SNED1: variants seen among roughly 807,000 people sequenced by gnomAD.
SNED1 encodes the protein sushi, nidogen and EGF-like domain-containing protein 1.
SNED1 carries 81 observed loss-of-function variants against 166.7 expected under a neutral mutation model. The observed-to-expected ratio is 0.49, with a 90% CI of 0.41 to 0.58. The LOEUF (loss-of-function observed/expected upper bound fraction) is 0.58. Among genes scored for constraint, SNED1 ranks in the 20% least tolerant of loss-of-function variants. SNED1 has a pLI of 0.00. For missense variants in SNED1, 1,604 were observed against 2,000.2 expected (o/e 0.80, Z 3.78); for synonymous variants, 762 against 822.0 (o/e 0.93, Z 1.25).
chr2:241,020,055 T>C (rs890346488), intron 1 of SNED1, among the ~76,000 whole-genome samples: 2 of 152,170 alleles, frequency 1.3e-5, no homozygotes, highest in African/African-American at 4.8e-5. Flanking sequence ...TGTTTGTGTA[T>C]GACCTGTGAA....
In SNED1 at chr2:240,999,071, CG is replaced by C. The variant is rs1344546097; in HGVS notation, c.213+25del. 3.2e-6 allele frequency: 4 copies of C among 1,252,484 alleles called. No individual in the cohort carries two copies. The highest frequency in any genetic ancestry group is 2.0e-6 in the Non-Finnish European group (2 of 991,136). The allele number at this position is 1,252,484 out of a possible 1,614,324, so 77.6% of individuals were successfully genotyped here. A position where few individuals can be genotyped will look rare whatever the true frequency, so the allele number is the denominator to read the frequency against. ...TCTACGTGAGTAACCCCCGGGCTCG[CG>C]GGGCGCCCGGGAGGGGAGGGAGCTG... On this transcript the variant is annotated intron_variant, in intron 1 of 31. Coordinates refer to ENST00000310397, the MANE Select transcript of SNED1 (RefSeq NM_001080437.3). The surrounding 1 kb of genome is among the most constrained non-coding windows in gnomAD (Gnocchi z 5.8).
In SNED1 at chr2:241,034,732, T is replaced by G; in HGVS notation, c.805+2T>G. 1 of 1,554,546 alleles carries G rather than the reference T, an allele frequency of 6.4e-7. No homozygotes were observed. The highest frequency in any genetic ancestry group is 8.7e-7 in the Non-Finnish European group (1 of 1,148,776). ...GCGTGGGGGGCTGCGGCCATACAAG[T>G]AAGAGGACAGAGGAGCAGCTTGGGG... On this transcript the variant is annotated splice_donor_variant, in intron 4 of 31. Coordinates refer to ENST00000310397, the MANE Select transcript of SNED1 (RefSeq NM_001080437.3). LOFTEE classifies it high-confidence loss of function.
chr2:241,069,483 G>A lies in SNED1; in HGVS notation c.3308-437G>A, dbSNP rs2062606253. ...GGGAGGGACAGGTGAACTGGGCAGA[G>A]GGGAGGCTGCAGCTCCCTCTGTGAG... On this transcript the variant is annotated intron_variant, in intron 23 of 31. Coordinates refer to ENST00000310397, the MANE Select transcript of SNED1 (RefSeq NM_001080437.3). The surrounding 1 kb of genome is among the most constrained non-coding windows in gnomAD (Gnocchi z 4.9). Among the ~76,000 whole-genome samples the A allele has an allele frequency of 6.6e-6, 1 of 152,184 alleles. No homozygotes were observed. The highest frequency in any genetic ancestry group is 2.1e-4 in the South Asian group (1 of 4,834).
chr2:241,062,760 A>G, intron 16 of SNED1, 31 bp from the exon 17 acceptor site: 1 of 1,500,406 alleles, frequency 6.7e-7, no homozygotes, highest in Non-Finnish European at 9.2e-7. Context: ...TCGTGGCCAC[A>G]TTGCTTTATT....
chr2:241,001,199 C>T (rs1308613655), intron 1 of SNED1, among the ~76,000 whole-genome samples: 2 of 152,246 alleles, frequency 1.3e-5, no homozygotes, highest in Non-Finnish European at 2.9e-5. Flanking sequence ...CCTCTGCGCT[C>T]CTCCGCCCCC....
Position 241,013,224 on chromosome 2 carries a change from A to G in SNED1, c.213+14174A>G, listed in dbSNP as rs2060471231. Among the ~76,000 whole-genome samples the G allele has an allele frequency of 6.6e-6, 1 of 152,120 alleles. No homozygotes were observed. Among genetic ancestry groups the G allele is most frequent in the South Asian group, 2.1e-4 (1 of 4,822 alleles). On this transcript the variant is annotated intron_variant, in intron 1 of 31. Coordinates refer to ENST00000310397, the MANE Select transcript of SNED1 (RefSeq NM_001080437.3). The surrounding 1 kb of genome is among the most constrained non-coding windows in gnomAD (Gnocchi z 4.6). ...TCTGACTGAAGGTTTGCACCCTCCAATCAACATTTCCCCATTTCCCACCTC... is the reference window on the plus strand; with the variant it reads ...TCTGACTGAAGGTTTGCACCCTCCAGTCAACATTTCCCCATTTCCCACCTC...
In SNED1 at chr2:241,011,138, T is replaced by TG. The variant is rs1392691392; in HGVS notation, c.213+12090dup. On this transcript the variant is annotated intron_variant, in intron 1 of 31. Transcript: ENST00000310397. ...GGTCTCCTGGGGGTGGCAGGTCTCC[T>TG]GGTTCTCCTGGGTCTCCTGGGGGTG... 6.8e-4 allele frequency among the ~76,000 whole-genome samples: 61 copies of TG among 89,758 alleles called. 1 individual carries two copies. The highest frequency in any genetic ancestry group is 4.0e-3 in the African/African-American group (57 of 14,224). The allele number at this position is 89,758 out of a possible 152,430, so 58.9% of individuals were successfully genotyped here.
chr2:241,092,421 T>C lies in SNED1; in HGVS notation c.*785T>C, dbSNP rs961354732. On this transcript the variant is annotated 3_prime_UTR_variant, in exon 32 of 32. Transcript: ENST00000310397. The surrounding 1 kb of genome is among the most constrained non-coding windows in gnomAD (Gnocchi z 4.6). ...GCGGCTATGTTCCAATAAAAACTTATTTACAATAACAGGTGGTGGCCAAAT... is the reference window on the plus strand; with the variant it reads ...GCGGCTATGTTCCAATAAAAACTTACTTACAATAACAGGTGGTGGCCAAAT... 6.6e-6 allele frequency: 1 copy of C among 152,178 alleles called. No individual in the cohort carries two copies. The highest frequency in any genetic ancestry group is 1.5e-5 in the Non-Finnish European group (1 of 68,030). 9.4% of individuals were successfully genotyped at this position (152,178 alleles called of 1,614,324 possible).
At position 241,048,320 on chromosome 2, in the gene SNED1, C is replaced by T. The variant is rs1240140587; in HGVS notation, c.1279C>T (p.His427Tyr). 2 of 1,600,906 alleles carry T rather than the reference C, an allele frequency of 1.2e-6. No homozygotes were observed. Among genetic ancestry groups the T allele is most frequent in the South Asian group, 1.1e-5 (1 of 88,472 alleles). ...FKGLRCETGD[H>Y]PVPDACLSAP... ...GACTGCCGTCTTTCTTGCAGGAGAC[C>T]ATCCAGTGCCAGACGCCTGCCTCTC... Residue 427 changes from histidine (H) to tyrosine (Y), a missense_variant, in exon 9 of 32, where the codon CAT becomes TAT. Transcript: ENST00000310397.
intron 18 of SNED1, 35 bp downstream of exon 18, chr2:241,063,735 G>T (rs781454043): frequency 2.1e-5 from 30 of 1,415,060 alleles, no homozygotes; most frequent in Non-Finnish European, 2.7e-5. Context: ...CACATGCAGA[G>T]CCTGGGCCTC....
rs535845918 is a variant in SNED1 at position 241,071,751 on chromosome 2, C to T, written c.3734+31C>T. The T allele has an allele frequency of 1.7e-5, 27 of 1,543,752 alleles. 1 individual carries two copies. The highest frequency in any genetic ancestry group is 1.4e-4 in the African/African-American group (10 of 73,406). On this transcript the variant is annotated intron_variant, in intron 25 of 31. Coordinates refer to ENST00000310397, the MANE Select transcript of SNED1 (RefSeq NM_001080437.3). ...TGCCCCACCCATCGGCCCCATCGCC[C>T]GAGGCGGCGCTCGGACTGTGGTGAC... is the stretch of plus-strand genomic sequence containing the variant.
intron 31 of SNED1, chr2:241,090,258 A>G (rs1029656351): frequency 3.3e-6 from 5 of 1,516,740 alleles, no homozygotes; most frequent in East Asian, 5.0e-5. Flanking sequence ...ACACAAACAC[A>G]CACATTGGCT....
Position 241,076,968 on chromosome 2 carries a change from A to C in SNED1, c.3916+3604A>C, listed in dbSNP as rs563734379. Among the ~76,000 whole-genome samples, 99 of 151,764 alleles carry C rather than the reference A, an allele frequency of 6.5e-4. 1 individual carries two copies. Among genetic ancestry groups the C allele is most frequent in the Admixed American group, 1.9e-3 (29 of 15,214 alleles). ...GTGGCGGGCGCCTGTGGTCCCAGCTACTCCGGAGGCTGAGGCAGGAGAATG... is the reference window on the plus strand; with the variant it reads ...GTGGCGGGCGCCTGTGGTCCCAGCTCCTCCGGAGGCTGAGGCAGGAGAATG... On this transcript the variant is annotated intron_variant, in intron 27 of 31. Coordinates refer to ENST00000310397, the MANE Select transcript of SNED1 (RefSeq NM_001080437.3).
chr2:241,073,170 G>T lies in SNED1; in HGVS notation c.3818-96G>T, dbSNP rs1022325825. The T allele has an allele frequency of 4.6e-6, 4 of 864,214 alleles. No homozygotes were observed. The East Asian group carries it at 1.1e-4, about 23-fold the overall frequency. The allele number at this position is 864,214 out of a possible 1,614,324, so 53.5% of individuals were successfully genotyped here. A position where few individuals can be genotyped will look rare whatever the true frequency, so the allele number is the denominator to read the frequency against. ...CCTGGTCCCCACCAGGGACATCCGT[G>T]CTCCCTGAGATATAGAAGCACTCAA... is the stretch of plus-strand genomic sequence containing the variant. On this transcript the variant is annotated intron_variant, in intron 26 of 31. Coordinates refer to ENST00000310397, the MANE Select transcript of SNED1 (RefSeq NM_001080437.3). This position sits in a 1 kb window ranked among gnomAD's most constrained non-coding sequence, Gnocchi z 6.6.
chr2:241,034,560 AC>A lies in SNED1; in HGVS notation c.643-3del. On this transcript the variant is annotated splice_region_variant and splice_polypyrimidine_tract_variant and intron_variant, in intron 3 of 31. Coordinates refer to ENST00000310397, the MANE Select transcript of SNED1 (RefSeq NM_001080437.3). Reference sequence around the variant, plus strand: ...GCCTCCCTCACTCTGCCCCCACCCCACCCCCAGGCTGGCTTCAACGCAGGCG... The same window carrying A: ...GCCTCCCTCACTCTGCCCCCACCCCACCCCAGGCTGGCTTCAACGCAGGCG... 6.3e-7 allele frequency: 1 copy of A among 1,578,422 alleles called. No individual in the cohort carries two copies. Among genetic ancestry groups the A allele is most frequent in the Non-Finnish European group, 8.6e-7 (1 of 1,158,124 alleles).
Position 241,013,479 on chromosome 2 carries a change from G to A in SNED1, c.213+14429G>A, listed in dbSNP as rs899822644. On this transcript the variant is annotated intron_variant, in intron 1 of 31. Coordinates refer to ENST00000310397, the MANE Select transcript of SNED1 (RefSeq NM_001080437.3). This position sits in a 1 kb window ranked among gnomAD's most constrained non-coding sequence, Gnocchi z 4.6. ...CCCTAGTAGCTGGGATTATAGGCAC[G>A]CACCACCACCTCCAGCTATATTTTT... Among the ~76,000 whole-genome samples the A allele has an allele frequency of 3.3e-5, 5 of 151,884 alleles. No homozygotes were observed. Among genetic ancestry groups the A allele is most frequent in the Admixed American group, 2.0e-4 (3 of 15,252 alleles).
chr2:241,038,030 C>CTCAACCATGCCCT (rs2061425473), intron 6 of SNED1, among the ~76,000 whole-genome samples: 1 of 152,020 alleles, frequency 6.6e-6, no homozygotes, highest in Non-Finnish European at 1.5e-5. Context: ...CTTTAGGCCC[C>CTCAACCATGCCCT]TCACCCATGC....
Position 241,073,598 on chromosome 2 carries a change from C to T in SNED1, c.3916+234C>T. 1.7e-6 allele frequency: 1 copy of T among 586,498 alleles called. No individual in the cohort carries two copies. Among genetic ancestry groups the T allele is most frequent in the Non-Finnish European group, 3.1e-6 (1 of 326,846 alleles). 36.3% of individuals were successfully genotyped at this position (586,498 alleles called of 1,614,324 possible). On this transcript the variant is annotated intron_variant, in intron 27 of 31. Transcript: ENST00000310397. The surrounding 1 kb of genome is among the most constrained non-coding windows in gnomAD (Gnocchi z 6.6). ...CAGGGGGCAGGACCCACCCAAACCACCCAGAGTCTGAGCTAGAGAGACTGG... is the reference window on the plus strand; with the variant it reads ...CAGGGGGCAGGACCCACCCAAACCATCCAGAGTCTGAGCTAGAGAGACTGG...
chr2:241,081,072 C>T (rs1405799153), intron 27 of SNED1, among the ~76,000 whole-genome samples: 3 of 152,218 alleles, frequency 2.0e-5, no homozygotes, highest in Non-Finnish European at 2.9e-5. Flanking sequence ...GACCAGTCCT[C>T]GTGTCACTCG....
Sources: gnomAD v4.1 joint callset for allele counts (sites outside exome capture counted in the v4.1 genomes callset) on GRCh38, gnomAD v4.1.1 for gene constraint, Gnocchi (gnomAD v3.1) non-coding constraint, MANE v1.5 for transcripts, NCBI Gene and HGNC (gene_info 2026-07-23, HGNC 2026-07-21) for gene names.